The following FCHO2 variants were observed in gnomAD, a reference collection of about 807,000 sequenced individuals.
FCHO2 encodes FCH and mu domain containing endocytic adaptor 2.
In FCHO2, 43 loss-of-function variants were observed where a neutral mutation model predicts 114.1. The ratio of observed to expected loss-of-function variants is 0.38; its 90% CI spans 0.30 to 0.49. The LOEUF (loss-of-function observed/expected upper bound fraction) is 0.49, where lower values mean the gene tolerates loss of function less well. Among genes scored for constraint, FCHO2 ranks in the 20% least tolerant of loss-of-function variants. FCHO2 has a pLI of 0.97. For synonymous variants in FCHO2, 293 were observed against 315.2 expected, an observed-to-expected ratio of 0.93 and a Z score of 0.75; for missense variants, 807 against 950.4, an observed-to-expected ratio of 0.85 and a Z score of 1.98.
chr5:72,962,205 T>G (rs1751913178), intron 1 of FCHO2, among the ~76,000 whole-genome samples: 1 of 152,344 alleles, frequency 6.6e-6, no homozygotes, highest in African/African-American at 2.4e-5. Flanking sequence ...AAATTGGTAC[T>G]GATTTAGTGT....
intron 1 of FCHO2, among the ~76,000 whole-genome samples, chr5:72,956,837 A>T (rs1212983551): frequency 1.3e-5 from 2 of 150,860 alleles, no homozygotes; most frequent in Admixed American, 1.3e-4. Context: ...TTAGCTCAGT[A>T]TTAGATTCTT....
At chr5:73,045,426 A>C (rs1323038631) in intron 11 of FCHO2, among the ~76,000 whole-genome samples, 1 of 152,210 alleles carries the variant, frequency 6.6e-6, no homozygotes, top group Non-Finnish European at 1.5e-5. Flanking sequence ...TGTGGTACAT[A>C]TGAATAGTTT....
At chr5:73,034,376 G>A (rs1274807874) in intron 8 of FCHO2, 2 of 276,516 alleles carry the variant, frequency 7.2e-6, no homozygotes, top group Non-Finnish European at 1.3e-5. Context: ...GCATATTCTT[G>A]TGTCTCTAGT....
At chr5:72,989,522 T>C (rs1432674994) in intron 3 of FCHO2, 21 bp downstream of exon 3, 5 of 1,577,106 alleles carry the variant, frequency 3.2e-6, no homozygotes, top group Non-Finnish European at 4.3e-6. Context: ...TTCTTCCTCT[T>C]TTTCAGTGTT....
chr5:73,023,211 G>A (rs934558155), intron 8 of FCHO2, among the ~76,000 whole-genome samples: 3 of 152,048 alleles, frequency 2.0e-5, no homozygotes, highest in South Asian at 2.1e-4. Flanking sequence ...AAAATATAAC[G>A]TTTTAGAACT....
intron 7 of FCHO2, 75 bp from the exon 8 acceptor site, chr5:73,017,137 G>A: frequency 1.2e-6 from 1 of 839,854 alleles, no homozygotes; most frequent in Non-Finnish European, 1.8e-6. Flanking sequence ...AATTTTAATT[G>A]TCTTGTGTAA....
At chr5:73,006,333 T>C in intron 5 of FCHO2, 112 bp from the exon 6 acceptor site, 1 of 570,842 alleles carries the variant, frequency 1.8e-6, no homozygotes, top group Non-Finnish European at 2.7e-6. Context: ...GTTAGTTATA[T>C]GTCATATTGA....
chr5:72,987,522 C>T (rs889276862), intron 2 of FCHO2, among the ~76,000 whole-genome samples: 1 of 151,490 alleles, frequency 6.6e-6, no homozygotes, highest in African/African-American at 2.4e-5. Context: ...ATTTTTAGTA[C>T]AGACGGGGTT....
chr5:73,000,302 GTC>G, intron 5 of FCHO2, among the ~76,000 whole-genome samples: 1 of 151,670 alleles, frequency 6.6e-6, no homozygotes, highest in Non-Finnish European at 1.5e-5. Flanking sequence ...GTGAAACCCT[GTC>G]TCTACTAAAA....
intron 17 of FCHO2, among the ~76,000 whole-genome samples, chr5:73,062,115 A>T (rs915553974): frequency 6.6e-6 from 1 of 152,048 alleles, no homozygotes; most frequent in African/African-American, 2.4e-5. Flanking sequence ...TCTAATAGAA[A>T]TTTGTAGCAC....
intron 20 of FCHO2, 23 bp from the exon 21 acceptor site, chr5:73,077,315 A>C (rs1742945794): frequency 6.5e-7 from 1 of 1,548,042 alleles, no homozygotes; most frequent in Admixed American, 2.0e-5. Flanking sequence ...TTATTTAAAC[A>C]CTTTTCAAAA....
chr5:73,015,855 A>G (rs1157912903), intron 7 of FCHO2, 131 bp downstream of exon 7: 2 of 456,524 alleles, frequency 4.4e-6, no homozygotes, highest in African/African-American at 2.1e-5. Flanking sequence ...AGAATATGTA[A>G]AGATAATATA....
chr5:73,017,309 G>C lies in FCHO2; in HGVS notation c.796+1G>C, dbSNP rs1429241848. 6.5e-7 allele frequency: 1 copy of C among 1,537,784 alleles called. No individual in the cohort carries two copies. The highest frequency in any genetic ancestry group is 8.8e-7 in the Non-Finnish European group (1 of 1,137,702). ...AAAGGCACTGGGAAGGAAAGACCTGGTAAGATGATAAACTCTGCAAGGAAA... is the reference window on the plus strand; with the variant it reads ...AAAGGCACTGGGAAGGAAAGACCTGCTAAGATGATAAACTCTGCAAGGAAA... On this transcript the variant is annotated splice_donor_variant, in intron 8 of 25. Transcript: ENST00000430046. LOFTEE classifies it high-confidence loss of function.
At chr5:72,995,269 T>C (rs1754027115) in intron 5 of FCHO2, among the ~76,000 whole-genome samples, 2 of 152,108 alleles carry the variant, frequency 1.3e-5, no homozygotes, top group Non-Finnish European at 2.9e-5. Flanking sequence ...ATTTTTTTTT[T>C]TTTTGAGACA....
At chr5:73,068,370 C>G (rs1242395922) in intron 18 of FCHO2, among the ~76,000 whole-genome samples, 1 of 152,008 alleles carries the variant, frequency 6.6e-6, no homozygotes, top group Non-Finnish European at 1.5e-5. Flanking sequence ...ACTGTTTAAA[C>G]TAATTTAACT....
intron 1 of FCHO2, among the ~76,000 whole-genome samples, chr5:72,957,064 A>G (rs1014843420): frequency 6.6e-6 from 1 of 152,150 alleles, no homozygotes; most frequent in African/African-American, 2.4e-5. Context: ...TTAGCTAGTA[A>G]GGAATGTATG....
intron 14 of FCHO2, 149 bp downstream of exon 14, chr5:73,054,320 T>G (rs980730594): frequency 3.2e-5 from 28 of 870,992 alleles, no homozygotes; most frequent in Non-Finnish European, 4.7e-5. Flanking sequence ...TTAAAAACAT[T>G]AGGTGTTAAA....
chr5:72,986,823 A>G (rs59281659), intron 2 of FCHO2, among the ~76,000 whole-genome samples: 21,697 of 151,860 alleles, frequency 0.14, 1,767 homozygotes, highest in East Asian at 0.35. Flanking sequence ...CCATATACTC[A>G]TAGCCTGAAG....
At chr5:72,973,293 G>C (rs1006279210) in intron 2 of FCHO2, among the ~76,000 whole-genome samples, 3 of 152,246 alleles carry the variant, frequency 2.0e-5, no homozygotes, top group East Asian at 3.9e-4. Flanking sequence ...GTTCCTCCTT[G>C]TACCTCTGGT....
Sources: allele counts gnomAD v4.1 joint callset (sites outside exome capture counted in the v4.1 genomes callset), GRCh38; gene constraint gnomAD v4.1.1; transcripts MANE v1.5; gene names NCBI Gene and HGNC (gene_info 2026-07-23, HGNC 2026-07-21).